Variants in BEGAIN observed in about 807,000 individuals in gnomAD.
BEGAIN encodes brain-enriched guanylate kinase-associated protein.
Under a neutral mutation model 35.8 loss-of-function variants are expected in BEGAIN, and 19 were observed. The ratio of observed to expected loss-of-function variants is 0.53; its 90% CI spans 0.37 to 0.78. The LOEUF (loss-of-function observed/expected upper bound fraction) is 0.78, where lower values mean the gene tolerates loss of function less well. Ranked by LOEUF, BEGAIN falls within the 30% of genes least tolerant of loss-of-function variation. The pLI is 0.00. For missense variants in BEGAIN, 795 were observed against 853.6 expected, an observed-to-expected ratio of 0.93 and a Z score of 0.85; for synonymous variants, 462 against 388.6, an observed-to-expected ratio of 1.19 and a Z score of -2.22.
At chr14:100,540,178 A>G (rs954243634) in intron 6 of BEGAIN, 8 of 362,040 alleles carry the variant, frequency 2.2e-5, no homozygotes, top group African/African-American at 1.6e-4. Flanking sequence ...AAGCTCCACA[A>G]AGGTCACTCT....
Position 100,538,095 on chromosome 14 carries a change from G to A in BEGAIN, c.1713C>T (p.Ala571=), listed in dbSNP as rs7493484. The change falls in exon 7 of 7, where the codon GCC becomes GCT. Residue 571 remains alanine, a synonymous_variant. Coordinates refer to ENST00000554140, the MANE Select transcript of BEGAIN (RefSeq NM_001385089.1). ...RDSLEPSSME[A]SPEMHPAARL... Reference sequence around the variant, plus strand: ...GGGCGGCAGGATGCATTTCCGGGGAGGCCTCCATGGAGCTCGGCTCCAAGG... The same window carrying A: ...GGGCGGCAGGATGCATTTCCGGGGAAGCCTCCATGGAGCTCGGCTCCAAGG... The A allele has an allele frequency of 0.013, 20,532 of 1,580,808 alleles. 1,317 individuals are homozygous for A. In the African/African-American group the frequency reaches 0.17, roughly 13 times the overall value.
intron 2 of BEGAIN, among the ~76,000 whole-genome samples, chr14:100,562,045 G>A (rs1220794994): frequency 2.0e-5 from 3 of 152,168 alleles, no homozygotes; most frequent in African/African-American, 7.2e-5. Flanking sequence ...ACACCTTAGT[G>A]AGAATTAGTC....
chr14:100,541,239 G>C (rs2031563153), intron 5 of BEGAIN, among the ~76,000 whole-genome samples: 1 of 152,262 alleles, frequency 6.6e-6, no homozygotes, highest in Non-Finnish European at 1.5e-5. Context: ...GCATGTGCCT[G>C]TGTTTGGGGC....
chr14:100,567,842 C>A lies in BEGAIN; in HGVS notation c.71+69G>T. The A allele has an allele frequency of 7.0e-7, 1 of 1,424,832 alleles. No individual in the cohort carries two copies. Among genetic ancestry groups the A allele is most frequent in the Non-Finnish European group, 9.3e-7 (1 of 1,072,038 alleles). 88.3% of individuals were successfully genotyped at this position (1,424,832 alleles called of 1,614,324 possible). A position where few individuals can be genotyped will look rare whatever the true frequency, so the allele number is the denominator to read the frequency against. ...GCGCTCGGGTGGAGCCCCCTTCCCC[C>A]GCCTTCCCCAGCGCCCTCACCCCCG... On this transcript the variant is annotated intron_variant, in intron 2 of 6. Transcript: ENST00000554140. This position sits in a 1 kb window ranked among gnomAD's most constrained non-coding sequence, Gnocchi z 5.1.
chr14:100,546,667 A>C lies in BEGAIN; in HGVS notation c.72-5T>G. ...CCCTTCTGCTCCTGCAGCGCGCTGC[A>C]ACGACATGGCGGCGGCGGGCCGGGC... On this transcript the variant is annotated splice_polypyrimidine_tract_variant and splice_region_variant and intron_variant, in intron 2 of 6. Coordinates refer to ENST00000554140, the MANE Select transcript of BEGAIN (RefSeq NM_001385089.1). The C allele has an allele frequency of 6.4e-7, 1 of 1,555,418 alleles. No individual in the cohort carries two copies. Among genetic ancestry groups the C allele is most frequent in the Non-Finnish European group, 8.7e-7 (1 of 1,155,986 alleles).
Position 100,568,081 on chromosome 14 carries a change from C to T in BEGAIN, c.43-142G>A. ...GAAGCCCGGCGCCGCGCGTCCCCAG[C>T]TTCCAGTCCCGGCCGCGGCCCCCGT... On this transcript the variant is annotated intron_variant, in intron 1 of 6. Coordinates refer to ENST00000554140, the MANE Select transcript of BEGAIN (RefSeq NM_001385089.1). The surrounding 1 kb of genome is among the most constrained non-coding windows in gnomAD (Gnocchi z 7.5). 9.3e-7 allele frequency: 1 copy of T among 1,072,742 alleles called. No individual in the cohort carries two copies. The highest frequency in any genetic ancestry group is 1.1e-6 in the Non-Finnish European group (1 of 887,340). 66.5% of individuals were successfully genotyped at this position (1,072,742 alleles called of 1,614,324 possible). A position where few individuals can be genotyped will look rare whatever the true frequency, so the allele number is the denominator to read the frequency against.
intron 1 of BEGAIN, among the ~76,000 whole-genome samples, chr14:100,571,650 T>C (rs1288593105): frequency 5.9e-5 from 9 of 152,106 alleles, no homozygotes. Context: ...CCAGACAAGG[T>C]GGAGGGGGTG....
intron 2 of BEGAIN, among the ~76,000 whole-genome samples, chr14:100,566,960 C>A (rs1364896285): frequency 6.6e-6 from 1 of 152,172 alleles, no homozygotes; most frequent in African/African-American, 2.4e-5. Flanking sequence ...GAGCCCAGGG[C>A]CCCTCTGCCC....
chr14:100,587,057 G>C (rs2139777771), intron 1 of BEGAIN, among the ~76,000 whole-genome samples, 192 bp downstream of exon 1: 1 of 151,832 alleles, frequency 6.6e-6, no homozygotes, highest in Non-Finnish European at 1.5e-5. Flanking sequence ...AGAGTGCCCA[G>C]TTCCCAGGAG....
chr14:100,552,177 A>AGGACCCAGGGGAAACTG (rs1317200212), intron 2 of BEGAIN, among the ~76,000 whole-genome samples: 1 of 152,136 alleles, frequency 6.6e-6, no homozygotes, highest in African/African-American at 2.4e-5. Flanking sequence ...TAGAAAGGCT[A>AGGACCCAGGGGAAACTG]GGACCCAGGG....
At chr14:100,555,197 C>T (rs1411256581) in intron 2 of BEGAIN, among the ~76,000 whole-genome samples, 1 of 152,264 alleles carries the variant, frequency 6.6e-6, no homozygotes, top group Admixed American at 6.5e-5. Flanking sequence ...CCGCCAGGGC[C>T]GTCTGGGGTC....
In BEGAIN at chr14:100,587,249, C is replaced by T. The variant is rs1280752876; in HGVS notation, c.42G>A (p.Ala14=). ...GCCCTCCCGGCTCGCAGGTACTCAC[C>T]GCCCGGCGCAGCCGGCCCGGCCGGC... The part of the protein sequence containing the change: ...GGRRPGRLRR[A]ASAADMEKLS... The change falls in exon 1 of 7, where the codon GCG becomes GCA. Residue 14 remains alanine, a splice_region_variant and synonymous_variant. Coordinates refer to ENST00000554140, the MANE Select transcript of BEGAIN (RefSeq NM_001385089.1). 2 of 192,894 alleles carry T rather than the reference C, an allele frequency of 1.0e-5. No homozygotes were observed. Among genetic ancestry groups the T allele is most frequent in the Admixed American group, 5.4e-5 (1 of 18,380 alleles). 11.9% of individuals were successfully genotyped at this position (192,894 alleles called of 1,614,324 possible). A position where few individuals can be genotyped will look rare whatever the true frequency, so the allele number is the denominator to read the frequency against.
intron 2 of BEGAIN, among the ~76,000 whole-genome samples, chr14:100,551,572 T>G (rs1481617225): frequency 6.6e-6 from 1 of 152,234 alleles, no homozygotes. Flanking sequence ...GAAATGTTAA[T>G]GTAGTTATAC....
At chr14:100,555,591 G>A (rs1252614749) in intron 2 of BEGAIN, among the ~76,000 whole-genome samples, 1 of 152,252 alleles carries the variant, frequency 6.6e-6, no homozygotes, top group African/African-American at 2.4e-5. Flanking sequence ...AGCGCTCAAG[G>A]AACAGGGCCT....
At chr14:100,546,778 G>GCT in intron 2 of BEGAIN, 116 bp from the exon 3 acceptor site, 7 of 540,522 alleles carry the variant, frequency 1.3e-5, no homozygotes, top group Non-Finnish European at 2.0e-5. Context: ...GCGCGCGCGC[G>GCT]CGCACACACA....
chr14:100,581,436 C>T (rs1158546470), intron 1 of BEGAIN, among the ~76,000 whole-genome samples: 1 of 152,170 alleles, frequency 6.6e-6, no homozygotes, highest in Non-Finnish European at 1.5e-5. Context: ...CTACCAGCAG[C>T]CTGGACAACC....
At position 100,545,060 on chromosome 14, in the gene BEGAIN, C is replaced by T; in HGVS notation, c.240G>A (p.Gln80=). 2 of 1,613,422 alleles carry T rather than the reference C, an allele frequency of 1.2e-6. No homozygotes were observed. The highest frequency in any genetic ancestry group is 1.7e-6 in the Non-Finnish European group (2 of 1,179,990). The change falls in exon 4 of 7, where the codon CAG becomes CAA. Residue 80 remains glutamine (Q), a synonymous_variant. Coordinates refer to ENST00000554140, the MANE Select transcript of BEGAIN (RefSeq NM_001385089.1). ...TCCTCTGCAGTGCCATGTAGTTGCT[C>T]TGAATCCTGGTGCAGGAGGCAAGGG... ...EKVTEKLRRI[Q]SNYMALQRIN... is the part of the protein sequence containing the mutation.
intron 2 of BEGAIN, chr14:100,550,454 G>A (rs552785705): frequency 1.0e-5 from 4 of 399,272 alleles, no homozygotes; most frequent in East Asian, 3.6e-5. Flanking sequence ...CTGGCCAGCC[G>A]GCCCTGCAGT....
At chr14:100,583,675 C>T (rs1174177257) in intron 1 of BEGAIN, among the ~76,000 whole-genome samples, 1 of 132,642 alleles carries the variant, frequency 7.5e-6, no homozygotes. Flanking sequence ...TTCTCTCTCT[C>T]TCTTTCGTTT....
Sources: allele counts gnomAD v4.1 joint callset (sites outside exome capture counted in the v4.1 genomes callset), GRCh38; gene constraint gnomAD v4.1.1; non-coding constraint Gnocchi (gnomAD v3.1); transcripts MANE v1.5; gene names NCBI Gene and HGNC (gene_info 2026-07-23, HGNC 2026-07-21).